The following SPAG17 variants were observed in gnomAD, a reference collection of about 807,000 sequenced individuals.
SPAG17 encodes the protein sperm-associated antigen 17.
Under a neutral mutation model 273.6 loss-of-function variants are expected in SPAG17, and 169 were observed. The observed-to-expected ratio is 0.62, with a 90% CI of 0.55 to 0.70. SPAG17 has a LOEUF of 0.70. Among genes scored for constraint, SPAG17 ranks in the 30% least tolerant of loss-of-function variants. The pLI is 0.00. For synonymous variants in SPAG17, 825 were observed against 873.2 expected, an observed-to-expected ratio of 0.94 and a Z score of 0.97; for missense variants, 2,557 against 2,627.8, an observed-to-expected ratio of 0.97 and a Z score of 0.59.
intron 10 of SPAG17, among the ~76,000 whole-genome samples, chr1:118,089,296 A>G (rs1270250271): frequency 6.9e-6 from 1 of 145,680 alleles, no homozygotes; most frequent in Non-Finnish European, 1.5e-5. Flanking sequence ...ATTAAGCAAC[A>G]TATTTGAGGA....
At chr1:118,026,786 AAGT>A (rs1647798108) in intron 26 of SPAG17, among the ~76,000 whole-genome samples, 1 of 152,122 alleles carries the variant, frequency 6.6e-6, no homozygotes, top group Non-Finnish European at 1.5e-5. Flanking sequence ...CAAAAATAAA[AAGT>A]CACTCAGGAA....
intron 18 of SPAG17, 26 bp downstream of exon 18, chr1:118,066,719 T>G: frequency 6.3e-7 from 1 of 1,597,388 alleles, no homozygotes; most frequent in East Asian, 2.2e-5. Flanking sequence ...AACTAACTAA[T>G]TAACTAAACT....
At chr1:118,059,013 CA>C (rs1432910216) in intron 18 of SPAG17, among the ~76,000 whole-genome samples, 1 of 152,104 alleles carries the variant, frequency 6.6e-6, no homozygotes, top group African/African-American at 2.4e-5. Context: ...TTCTCATAAA[CA>C]GACATTAATC....
chr1:118,164,637 C>T (rs1660076981), intron 1 of SPAG17, among the ~76,000 whole-genome samples: 1 of 152,238 alleles, frequency 6.6e-6, no homozygotes, highest in Admixed American at 6.5e-5. Flanking sequence ...CTACTCTCAT[C>T]TCCAATCTAT....
At chr1:118,074,986 C>A (rs946757178) in intron 15 of SPAG17, among the ~76,000 whole-genome samples, 2 of 152,140 alleles carry the variant, frequency 1.3e-5, no homozygotes, top group African/African-American at 4.8e-5. Context: ...TATCACAAAG[C>A]CTTTTTAAAT....
chr1:118,130,872 C>G (rs1263027613), intron 3 of SPAG17, among the ~76,000 whole-genome samples: 1 of 152,172 alleles, frequency 6.6e-6, no homozygotes, highest in Non-Finnish European at 1.5e-5. Context: ...GACCAAGATT[C>G]TTTCCCAAGA....
At chr1:117,978,495 A>G (rs1014460804) in intron 43 of SPAG17, among the ~76,000 whole-genome samples, 2 of 152,162 alleles carry the variant, frequency 1.3e-5, no homozygotes, top group Admixed American at 1.3e-4. Context: ...GCATGGAATT[A>G]TCATCATTTG....
chr1:118,013,357 AC>A (rs2101787196), intron 29 of SPAG17, among the ~76,000 whole-genome samples: 1 of 152,306 alleles, frequency 6.6e-6, no homozygotes, highest in South Asian at 2.1e-4. Flanking sequence ...GGTGGCAGTC[AC>A]TACTTAAGAG....
At chr1:118,015,271 CAAA>C (rs757554740) in intron 29 of SPAG17, among the ~76,000 whole-genome samples, 18 of 80,104 alleles carry the variant, frequency 2.2e-4, no homozygotes, top group Admixed American at 7.1e-4. Flanking sequence ...ACCTCTGTGT[CAAA>C]AAAAAAAAAA....
chr1:118,115,207 CTTAATGG>C lies in SPAG17; in HGVS notation c.447+96_447+102del, dbSNP rs1657001448. Reference sequence around the variant, plus strand: ...TGACAGCCAAATTTGCCAGGTAACACTTAATGGTAGGCTTAAGAAGAGAGGAAGTGCC... The same window carrying C: ...TGACAGCCAAATTTGCCAGGTAACACTAGGCTTAAGAAGAGAGGAAGTGCC... On this transcript the variant is annotated intron_variant, in intron 4 of 48. Coordinates refer to ENST00000336338, the MANE Select transcript of SPAG17 (RefSeq NM_206996.4). The C allele has an allele frequency of 5.0e-6, 7 of 1,398,762 alleles. 1 individual carries two copies. In the South Asian group the frequency reaches 8.9e-5, roughly 18 times the overall value. The allele number at this position is 1,398,762 out of a possible 1,614,324, so 86.6% of individuals were successfully genotyped here.
chr1:118,148,148 T>C (rs1053598996), intron 3 of SPAG17, among the ~76,000 whole-genome samples: 1 of 152,200 alleles, frequency 6.6e-6, no homozygotes, highest in East Asian at 1.9e-4. Context: ...AGTGCAGAGT[T>C]TCCTTTGAGA....
rs572378057 is a variant in SPAG17 at position 117,973,682 on chromosome 1, G to T, written c.6005-121C>A. On this transcript the variant is annotated intron_variant, in intron 43 of 48. Coordinates refer to ENST00000336338, the MANE Select transcript of SPAG17 (RefSeq NM_206996.4). Reference sequence around the variant, plus strand: ...AAACTTTTTTTCTTTGCTTTTCAAAGAGCTTATTTATTTATTTTTATTTTA... The same window carrying T: ...AAACTTTTTTTCTTTGCTTTTCAAATAGCTTATTTATTTATTTTTATTTTA... 9.1e-6 allele frequency: 8 copies of T among 881,862 alleles called. No homozygotes were observed. In the South Asian group the frequency reaches 2.1e-4, roughly 23 times the overall value. The allele number at this position is 881,862 out of a possible 1,614,324, so 54.6% of individuals were successfully genotyped here.
chr1:118,104,320 A>G (rs1351196462), intron 4 of SPAG17, among the ~76,000 whole-genome samples: 1 of 152,186 alleles, frequency 6.6e-6, no homozygotes, highest in Non-Finnish European at 1.5e-5. Flanking sequence ...TGGGTGGTTG[A>G]TGGTGTCACA....
intron 40 of SPAG17, among the ~76,000 whole-genome samples, chr1:117,987,105 A>G (rs1656504949): frequency 6.6e-6 from 1 of 152,148 alleles, no homozygotes; most frequent in African/African-American, 2.4e-5. Flanking sequence ...CAAACCTAGC[A>G]TAAAGACACT....
At chr1:117,983,951 G>A in intron 41 of SPAG17, 38 bp from the exon 42 acceptor site, 1 of 1,057,678 alleles carries the variant, frequency 9.5e-7, no homozygotes, top group Non-Finnish European at 1.4e-6. Flanking sequence ...ACTTATACAT[G>A]GCTGAAATTC....
chr1:118,172,668 T>G (rs960700087), intron 1 of SPAG17, among the ~76,000 whole-genome samples: 1 of 152,200 alleles, frequency 6.6e-6, no homozygotes, highest in Non-Finnish European at 1.5e-5. Flanking sequence ...CCTGGTATTC[T>G]GAAGAACACA....
At chr1:118,037,634 G>A (rs1478251839) in intron 23 of SPAG17, among the ~76,000 whole-genome samples, 1 of 152,160 alleles carries the variant, frequency 6.6e-6, no homozygotes, top group Non-Finnish European at 1.5e-5. Context: ...AGTTCGCTTA[G>A]GATAATGGCC....
chr1:118,100,854 T>A (rs1167642421), intron 5 of SPAG17, among the ~76,000 whole-genome samples: 3 of 152,184 alleles, frequency 2.0e-5, no homozygotes, highest in Non-Finnish European at 2.9e-5. Context: ...AATTCTAGTG[T>A]CTCTATCCAG....
chr1:118,033,063 G>A (rs548656429), intron 24 of SPAG17, among the ~76,000 whole-genome samples: 1 of 152,264 alleles, frequency 6.6e-6, no homozygotes, highest in East Asian at 1.9e-4. Flanking sequence ...AACCCTACAT[G>A]TGACTGTGAT....
Sources: allele counts gnomAD v4.1 joint callset (sites outside exome capture counted in the v4.1 genomes callset), GRCh38; gene constraint gnomAD v4.1.1; transcripts MANE v1.5; gene names NCBI Gene and HGNC (gene_info 2026-07-23, HGNC 2026-07-21).